The following AADACL3 variants were observed in gnomAD, a reference collection of about 807,000 sequenced individuals.
AADACL3 encodes the protein arylacetamide deacetylase-like 3.
A neutral mutation model predicts 13.6 loss-of-function variants in AADACL3; 13 were observed. That is an observed-to-expected ratio of 0.95 (90% CI 0.62 to 1.52). The LOEUF (loss-of-function observed/expected upper bound fraction) is 1.52. AADACL3 is among the 40% of genes most tolerant of loss of function. AADACL3 has a pLI of 0.00. For missense variants in AADACL3, 519 were observed against 499.2 expected, an observed-to-expected ratio of 1.04 and a Z score of -0.38; for synonymous variants, 195 against 197.0, an observed-to-expected ratio of 0.99 and a Z score of 0.08.
At position 12,726,158 on chromosome 1, in the gene AADACL3, C is replaced by A; in HGVS notation, c.*162C>A. The stretch of plus-strand genomic sequence containing the variant: ...AGGTTCTAGAACCACACAATGCATG[C>A]TCCTGATGTCCAGAGGACGTGGTAG... On this transcript the variant is annotated 3_prime_UTR_variant, in exon 4 of 4. Coordinates refer to ENST00000359318, the MANE Select transcript of AADACL3 (RefSeq NM_001103170.3). 2 of 724,994 alleles carry A rather than the reference C, an allele frequency of 2.8e-6. No individual in the cohort carries two copies. The highest frequency in any genetic ancestry group is 4.4e-6 in the Non-Finnish European group (2 of 454,106). The allele number at this position is 724,994 out of a possible 1,614,324, so 44.9% of individuals were successfully genotyped here.
At chr1:12,722,421 C>T (rs1269613005) in intron 3 of AADACL3, among the ~76,000 whole-genome samples, 1 of 151,822 alleles carries the variant, frequency 6.6e-6, no homozygotes, top group Non-Finnish European at 1.5e-5. Context: ...TTCTCAGCTC[C>T]AGAAGGGTTT....
Position 12,725,619 on chromosome 1 carries a change from A to C in AADACL3, c.847A>C (p.Lys283Gln). The C allele has an allele frequency of 1.2e-6, 2 of 1,614,126 alleles. No individual in the cohort carries two copies. The highest frequency in any genetic ancestry group is 1.6e-4 in the Middle Eastern group (1 of 6,062). The change falls in exon 4 of 4, where the codon AAG (lysine) becomes CAG (glutamine). Residue 283 changes from lysine (K) to glutamine (Q), a missense_variant. Transcript: ENST00000359318. ...TGCTGAAGTCTGGGAAAAGTACAGA[A>C]AGTGGTTGGGCCCAGAAAACATCCC... is the stretch of plus-strand genomic sequence containing the variant. ...LPAEVWEKYR[K>Q]WLGPENIPER... is the part of the protein sequence containing the mutation.
rs1638358080 is a variant in AADACL3, at chr1:12,725,752, T to C, written c.980T>C (p.Ile327Thr). Residue 327 changes from isoleucine to threonine, a missense_variant, in exon 4 of 4, where the codon ATT (isoleucine) becomes ACT (threonine). By Grantham distance (89) the Ile-to-Thr change is moderately conservative. Coordinates refer to ENST00000359318, the MANE Select transcript of AADACL3 (RefSeq NM_001103170.3). ...VVLDVMCSPL[I>T]AEDDIVSQLP... ...CTGGATGTGATGTGCTCGCCCCTGA[T>C]TGCAGAAGATGACATAGTGTCTCAG... is the stretch of plus-strand genomic sequence containing the variant. 1 of 1,614,150 alleles carries C rather than the reference T, an allele frequency of 6.2e-7. No individual in the cohort carries two copies. The highest frequency in any genetic ancestry group is 1.1e-5 in the South Asian group (1 of 91,082).
intron 3 of AADACL3, among the ~76,000 whole-genome samples, chr1:12,723,016 T>C (rs1317349979): frequency 6.6e-6 from 1 of 152,098 alleles, no homozygotes; most frequent in African/African-American, 2.4e-5. Context: ...TTTTTAAAAA[T>C]TTATTTTACT....
Position 12,726,729 on chromosome 1 carries a change from T to G in AADACL3, c.*733T>G, listed in dbSNP as rs1285937827. The G allele has an allele frequency of 1.3e-5, 2 of 152,242 alleles. No homozygotes were observed. Among genetic ancestry groups the G allele is most frequent in the South Asian group, 2.1e-4 (1 of 4,824 alleles). The allele number at this position is 152,242 out of a possible 1,614,324, so 9.4% of individuals were successfully genotyped here. On this transcript the variant is annotated 3_prime_UTR_variant, in exon 4 of 4. Coordinates refer to ENST00000359318, the MANE Select transcript of AADACL3 (RefSeq NM_001103170.3). ...AGCCCCAAGGCAATGTTCTAAGAAT[T>G]TGAGAAGAGAAGTTGGGAGGGAAGT...
chr1:12,727,550 G>A lies in AADACL3; in HGVS notation c.*1554G>A, dbSNP rs749365741. On this transcript the variant is annotated 3_prime_UTR_variant, in exon 4 of 4. Coordinates refer to ENST00000359318, the MANE Select transcript of AADACL3 (RefSeq NM_001103170.3). The stretch of plus-strand genomic sequence containing the variant: ...CTTCTGGAGGCTCTGATCTTGGTTG[G>A]TTAGTGGTCTTTACAGGCCAAGGTC... 4 of 152,212 alleles carry A rather than the reference G, an allele frequency of 2.6e-5. No homozygotes were observed. The highest frequency in any genetic ancestry group is 7.2e-5 in the African/African-American group (3 of 41,450). The allele number at this position is 152,212 out of a possible 1,614,324, so 9.4% of individuals were successfully genotyped here.
In AADACL3 at chr1:12,725,468, C is replaced by A. The variant is rs775783092; in HGVS notation, c.696C>A (p.Thr232=). ...YAILQALDLQ[T]PSFQQRKNIP... is the part of the protein sequence containing the mutation. ...TTCTCCAAGCCCTGGATTTACAAACCCCTTCGTTTCAACAGAGGAAAAACA... is the reference window on the plus strand; with the variant it reads ...TTCTCCAAGCCCTGGATTTACAAACACCTTCGTTTCAACAGAGGAAAAACA... The change falls in exon 4 of 4, where the codon ACC becomes ACA. Residue 232 remains threonine, a synonymous_variant. Transcript: ENST00000359318. 1 of 1,613,894 alleles carries A rather than the reference C, an allele frequency of 6.2e-7. No individual in the cohort carries two copies. Among genetic ancestry groups the A allele is most frequent in the Non-Finnish European group, 8.5e-7 (1 of 1,179,930 alleles).
At chr1:12,719,416 ACT>A in intron 1 of AADACL3, 57 bp from the exon 2 acceptor site, 1 of 1,522,556 alleles carries the variant, frequency 6.6e-7, no homozygotes, top group Non-Finnish European at 9.1e-7. Flanking sequence ...TGAAGGCCAG[ACT>A]CCAGATGGCC....
In AADACL3 at chr1:12,728,312, T is replaced by C. The variant is rs1287845058; in HGVS notation, c.*2316T>C. ...AGACATACCTATGGATATTGCAGATTCAGTTCCAGACCACAGCAATAAAGC... is the reference window on the plus strand; with the variant it reads ...AGACATACCTATGGATATTGCAGATCCAGTTCCAGACCACAGCAATAAAGC... On this transcript the variant is annotated 3_prime_UTR_variant, in exon 4 of 4. Transcript: ENST00000359318. The C allele has an allele frequency of 6.6e-6, 1 of 152,240 alleles. No individual in the cohort carries two copies. Among genetic ancestry groups the C allele is most frequent in the East Asian group, 1.9e-4 (1 of 5,202 alleles). 9.4% of individuals were successfully genotyped at this position (152,240 alleles called of 1,614,324 possible).
Position 12,725,790 on chromosome 1 carries a change from T to G in AADACL3, c.1018T>G (p.Cys340Gly). 1 of 1,614,188 alleles carries G rather than the reference T, an allele frequency of 6.2e-7. No homozygotes were observed. The highest frequency in any genetic ancestry group is 8.5e-7 in the Non-Finnish European group (1 of 1,180,034). ...DDIVSQLPET[C>G]IVSCEYDALR... Reference sequence around the variant, plus strand: ...CATAGTGTCTCAGCTCCCGGAAACCTGCATCGTGAGCTGTGAGTATGATGC... The same window carrying G: ...CATAGTGTCTCAGCTCCCGGAAACCGGCATCGTGAGCTGTGAGTATGATGC... The change falls in exon 4 of 4, where the codon TGC (cysteine) becomes GGC (glycine). Residue 340 changes from cysteine (C) to glycine (G), a missense_variant. Cys to Gly is a radical substitution (Grantham distance 159). Coordinates refer to ENST00000359318, the MANE Select transcript of AADACL3 (RefSeq NM_001103170.3).
intron 1 of AADACL3, among the ~76,000 whole-genome samples, chr1:12,718,763 A>G (rs1648496914): frequency 6.6e-6 from 1 of 152,150 alleles, no homozygotes; most frequent in South Asian, 2.1e-4. Flanking sequence ...GGCCTCCCAA[A>G]GTGCTGGGAT....
chr1:12,719,736 TTAA>T, intron 2 of AADACL3, 45 bp downstream of exon 2: 2 of 1,553,542 alleles, frequency 1.3e-6, no homozygotes, highest in Non-Finnish European at 8.9e-7. Flanking sequence ...GTGGCACCCC[TTAA>T]CATAACTTGG....
Position 12,725,615 on chromosome 1 carries a change from C to A in AADACL3, c.843C>A (p.Tyr281Ter), listed in dbSNP as rs891002312. The A allele has an allele frequency of 6.2e-7, 1 of 1,614,052 alleles. No individual in the cohort carries two copies. The highest frequency in any genetic ancestry group is 8.5e-7 in the Non-Finnish European group (1 of 1,179,990). Residue 281 changes from tyrosine to a stop codon, truncating the protein, a stop_gained, in exon 4 of 4, where the codon TAC becomes TAA. Transcript: ENST00000359318. LOFTEE classifies it low-confidence loss of function (END_TRUNC). The part of the protein sequence containing the change: ...AHLPAEVWEK[Y>*]RKWLGPENIP... ...TGCCTGCTGAAGTCTGGGAAAAGTACAGAAAGTGGTTGGGCCCAGAAAACA... is the reference window on the plus strand; with the variant it reads ...TGCCTGCTGAAGTCTGGGAAAAGTAAAGAAAGTGGTTGGGCCCAGAAAACA...
rs750994965 is a variant in AADACL3 at position 12,725,635 on chromosome 1, A to G, written c.863A>G (p.Glu288Gly). Reference sequence around the variant, plus strand: ...AAGTACAGAAAGTGGTTGGGCCCAGAAAACATCCCTGAGAGGTTTAAGGAG... The same window carrying G: ...AAGTACAGAAAGTGGTTGGGCCCAGGAAACATCCCTGAGAGGTTTAAGGAG... ...WEKYRKWLGP[E>G]NIPERFKERG... Residue 288 changes from glutamate to glycine, a missense_variant, in exon 4 of 4, where the codon GAA becomes GGA. Glu to Gly is a moderately conservative substitution (Grantham distance 98). Coordinates refer to ENST00000359318, the MANE Select transcript of AADACL3 (RefSeq NM_001103170.3). 1.2e-6 allele frequency: 2 copies of G among 1,614,144 alleles called. No individual in the cohort carries two copies. Among genetic ancestry groups the G allele is most frequent in the Admixed American group, 3.3e-5 (2 of 60,022 alleles).
Position 12,725,712 on chromosome 1 carries a change from GAAGT to G in AADACL3, c.945_948del (p.Ser316LeufsTer5), listed in dbSNP as rs774509385. On this transcript the variant is annotated frameshift_variant, in exon 4 of 4. Coordinates refer to ENST00000359318, the MANE Select transcript of AADACL3 (RefSeq NM_001103170.3). LOFTEE classifies it low-confidence loss of function (END_TRUNC). ...GCCCATGAATGAAGCTGCTTACTTG[GAAGT>G]AAGTGTTGTCCTGGATGTGATGTGC... 13 of 1,614,070 alleles carry G rather than the reference GAAGT, an allele frequency of 8.1e-6. No individual in the cohort carries two copies. The Admixed American group carries it at 2.2e-4, about 27-fold the overall frequency.
Position 12,728,337 on chromosome 1 carries a change from C to T in AADACL3, c.*2341C>T, listed in dbSNP as rs1638415291. On this transcript the variant is annotated 3_prime_UTR_variant, in exon 4 of 4. Transcript: ENST00000359318. ...TCAGTTCCAGACCACAGCAATAAAGCAAGTCACATGAATTTTTTGCTTTCC... is the reference window on the plus strand; with the variant it reads ...TCAGTTCCAGACCACAGCAATAAAGTAAGTCACATGAATTTTTTGCTTTCC... 1.3e-5 allele frequency: 2 copies of T among 152,178 alleles called. No individual in the cohort carries two copies. Among genetic ancestry groups the T allele is most frequent in the Non-Finnish European group, 2.9e-5 (2 of 68,030 alleles). 9.4% of individuals were successfully genotyped at this position (152,178 alleles called of 1,614,324 possible). A position where few individuals can be genotyped will look rare whatever the true frequency, so the allele number is the denominator to read the frequency against.
rs890659410 is a variant in AADACL3 at position 12,727,188 on chromosome 1, T to C, written c.*1192T>C. On this transcript the variant is annotated 3_prime_UTR_variant, in exon 4 of 4. Transcript: ENST00000359318. ...ATGGCTTTGTTGGCTTTCTGAGCAA[T>C]GTGTCCAGTTGCCACAGTGAAGGGA... 2 of 152,216 alleles carry C rather than the reference T, an allele frequency of 1.3e-5. No homozygotes were observed. Among genetic ancestry groups the C allele is most frequent in the Non-Finnish European group, 2.9e-5 (2 of 68,044 alleles). 9.4% of individuals were successfully genotyped at this position (152,216 alleles called of 1,614,324 possible).
intron 3 of AADACL3, among the ~76,000 whole-genome samples, chr1:12,723,947 G>C (rs927002291): frequency 2.0e-5 from 3 of 151,384 alleles, no homozygotes; most frequent in African/African-American, 7.3e-5. Context: ...ACCACGCCCG[G>C]TTAATTTTGT....
At chr1:12,724,499 CTTT>C (rs1175248253) in intron 3 of AADACL3, among the ~76,000 whole-genome samples, 1 of 150,564 alleles carries the variant, frequency 6.6e-6, no homozygotes, top group Non-Finnish European at 1.5e-5. Flanking sequence ...TTTTTTTCTT[CTTT>C]GAGACAGGGT....
Sources: gnomAD v4.1 joint callset for allele counts (sites outside exome capture counted in the v4.1 genomes callset) on GRCh38, gnomAD v4.1.1 for gene constraint, MANE v1.5 for transcripts, NCBI Gene and HGNC (gene_info 2026-07-23, HGNC 2026-07-21) for gene names.